RPLP1: variants seen among roughly 807,000 people sequenced by gnomAD.
The protein encoded by RPLP1 is ribosomal protein lateral stalk subunit P1, also known as large ribosomal subunit protein P1.
Under a neutral mutation model 11.6 loss-of-function variants are expected in RPLP1, and 4 were observed. That is an observed-to-expected ratio of 0.34 (90% CI 0.17 to 0.79). RPLP1 has a LOEUF of 0.79. Ranked by LOEUF, RPLP1 falls within the 30% of genes least tolerant of loss-of-function variation. The pLI is 0.55. For missense variants in RPLP1, 133 were observed against 142.8 expected, an observed-to-expected ratio of 0.93 and a Z score of 0.35; for synonymous variants, 54 against 52.2, an observed-to-expected ratio of 1.03 and a Z score of -0.15.
In RPLP1 at chr15:69,455,787, T is replaced by G; in HGVS notation, c.*280T>G. The G allele has an allele frequency of 4.8e-6, 2 of 416,672 alleles. No homozygotes were observed. Among genetic ancestry groups the G allele is most frequent in the Non-Finnish European group, 8.6e-6 (2 of 231,714 alleles). The allele number at this position is 416,672 out of a possible 1,614,324, so 25.8% of individuals were successfully genotyped here. A position where few individuals can be genotyped will look rare whatever the true frequency, so the allele number is the denominator to read the frequency against. ...AGATGCTTTGTCCAGGTTACCTGTG[T>G]AAACTTGATGATTATAAGGTGTGTC... On this transcript the variant is annotated 3_prime_UTR_variant, in exon 4 of 4. Coordinates refer to ENST00000260379, the MANE Select transcript of RPLP1 (RefSeq NM_001003.3).
At chr15:69,453,378 C>T in intron 1 of RPLP1, 1 of 582,468 alleles carries the variant, frequency 1.7e-6, no homozygotes, top group Non-Finnish European at 3.0e-6. Context: ...CTTGAATTCC[C>T]CCGGTCGTGG....
chr15:69,453,316 G>A, intron 1 of RPLP1: 1 of 575,208 alleles, frequency 1.7e-6, no homozygotes, highest in Non-Finnish European at 3.1e-6. Flanking sequence ...ACCCTGACCC[G>A]TGCCTCGTCT....
At position 69,453,023 on chromosome 15, in the gene RPLP1, G is replaced by A. The variant is rs1892374160; in HGVS notation, c.72+3G>A. 3 of 1,560,242 alleles carry A rather than the reference G, an allele frequency of 1.9e-6. No individual in the cohort carries two copies. The highest frequency in any genetic ancestry group is 1.7e-6 in the Non-Finnish European group (2 of 1,154,598). On this transcript the variant is annotated splice_donor_region_variant and intron_variant, in intron 1 of 3. Coordinates refer to ENST00000260379, the MANE Select transcript of RPLP1 (RefSeq NM_001003.3). Reference sequence around the variant, plus strand: ...ACGACGATGAGGTGACAGTCACGGTGAGTGCGGGCGCGGGCCGGCGGCCGG... The same window carrying A: ...ACGACGATGAGGTGACAGTCACGGTAAGTGCGGGCGCGGGCCGGCGGCCGG...
At position 69,452,981 on chromosome 15, in the gene RPLP1, C is replaced by T. The variant is rs923171422; in HGVS notation, c.33C>T (p.Tyr11=). ...CTGTCTCCGAGCTCGCCTGCATCTA[C>T]TCGGCCCTCATTCTGCACGACGATG... MASVSELACI[Y]SALILHDDEV... is the part of the protein sequence containing the mutation. Residue 11 remains tyrosine, a synonymous_variant, in exon 1 of 4, where the codon TAC becomes TAT. Transcript: ENST00000260379. 1.3e-6 allele frequency: 2 copies of T among 1,579,132 alleles called. No homozygotes were observed. The highest frequency in any genetic ancestry group is 1.8e-5 in the Admixed American group (1 of 55,738).
At chr15:69,454,097 C>T in intron 2 of RPLP1, 2 of 218,526 alleles carry the variant, frequency 9.2e-6, no homozygotes. Context: ...GGTGCGATCT[C>T]AGCTCACTGC....
chr15:69,453,110 G>C (rs1892376106), intron 1 of RPLP1, 90 bp downstream of exon 1: 1 of 1,218,196 alleles, frequency 8.2e-7, no homozygotes, highest in African/African-American at 1.5e-5. Flanking sequence ...CCGTTCGACT[G>C]AGCACTTCCG....
chr15:69,453,274 C>G (rs565291728), intron 1 of RPLP1: 4 of 580,946 alleles, frequency 6.9e-6, no homozygotes, highest in Non-Finnish European at 1.2e-5. Flanking sequence ...CAAGAGCCTT[C>G]GTGTAGAAAA....
chr15:69,453,325 C>G, intron 1 of RPLP1: 1 of 574,652 alleles, frequency 1.7e-6, no homozygotes, highest in Non-Finnish European at 3.1e-6. Flanking sequence ...CGTGCCTCGT[C>G]TCTCTCAGGG....
chr15:69,455,518 T>A lies in RPLP1; in HGVS notation c.*11T>A. 1 of 1,584,908 alleles carries A rather than the reference T, an allele frequency of 6.3e-7. No homozygotes were observed. Among genetic ancestry groups the A allele is most frequent in the Non-Finnish European group, 8.6e-7 (1 of 1,165,626 alleles). ...GGTCTTTTTGACTAAACCTCTTTTA[T>A]AACATGTTCAATAAAAAGCTGAACT... On this transcript the variant is annotated 3_prime_UTR_variant, in exon 4 of 4. Transcript: ENST00000260379.
chr15:69,453,046 C>A (rs1446975449), intron 1 of RPLP1, 26 bp downstream of exon 1: 1 of 1,546,940 alleles, frequency 6.5e-7, no homozygotes, highest in Admixed American at 2.0e-5. Flanking sequence ...GGCCGGCGGC[C>A]GGGCTGCCTG....
chr15:69,453,694 G>A lies in RPLP1; in HGVS notation c.120G>A (p.Glu40=), dbSNP rs573336811. The A allele has an allele frequency of 3.0e-5, 49 of 1,614,172 alleles. 1 individual carries two copies. In the South Asian group the frequency reaches 5.3e-4, roughly 17 times the overall value. ...TTAAAGCAGCCGGTGTAAATGTTGA[G>A]CCTTTTTGGCCTGGCTTGTTTGCAA... ...ALIKAAGVNV[E]PFWPGLFAKA... Residue 40 remains glutamate, a synonymous_variant, in exon 2 of 4, where the codon GAG becomes GAA. Transcript: ENST00000260379.
Position 69,453,128 on chromosome 15 carries a change from CCAGGCCGCGAACA to C in RPLP1, c.72+117_72+129del, listed in dbSNP as rs1208913345. 1.9e-5 allele frequency: 20 copies of C among 1,067,648 alleles called. 1 individual carries two copies. The South Asian group carries it at 2.3e-4, about 13-fold the overall frequency. The allele number at this position is 1,067,648 out of a possible 1,614,324, so 66.1% of individuals were successfully genotyped here. On this transcript the variant is annotated intron_variant, in intron 1 of 3. Coordinates refer to ENST00000260379, the MANE Select transcript of RPLP1 (RefSeq NM_001003.3). ...TTCGACTGAGCACTTCCGGCCGGGG[CCAGGCCGCGAACA>C]CAGGCCGCATAGGGCGGGCGCTCCT... is the stretch of plus-strand genomic sequence containing the variant.
At chr15:69,453,271 C>T (rs1892379615) in intron 1 of RPLP1, 6 of 582,008 alleles carry the variant, frequency 1.0e-5, no homozygotes, top group Non-Finnish European at 1.8e-5. Context: ...CTCCAAGAGC[C>T]TTCGTGTAGA....
At chr15:69,454,098 A>T (rs1430470233) in intron 2 of RPLP1, 1 of 217,920 alleles carries the variant, frequency 4.6e-6, no homozygotes, top group East Asian at 1.5e-4. Flanking sequence ...GTGCGATCTC[A>T]GCTCACTGCA....
intron 2 of RPLP1, chr15:69,454,331 C>G (rs557858358): frequency 5.7e-4 from 87 of 152,480 alleles, no homozygotes; most frequent in Admixed American, 2.4e-3. Context: ...GCTCCCGGCC[C>G]GCAAGCAAAT....
At chr15:69,453,263 C>T (rs1405944825) in intron 1 of RPLP1, 7 of 584,040 alleles carry the variant, frequency 1.2e-5, no homozygotes, top group East Asian at 2.9e-5. Context: ...CGCTCCGGCT[C>T]CAAGAGCCTT....
At chr15:69,455,094 C>T in intron 2 of RPLP1, 76 bp from the exon 3 acceptor site, 1 of 1,497,940 alleles carries the variant, frequency 6.7e-7, no homozygotes, top group Non-Finnish European at 8.9e-7. Context: ...ATGGGGGATA[C>T]TTTTCGTTTT....
In RPLP1 at chr15:69,455,510, C is replaced by G; in HGVS notation, c.*3C>G. 1 of 1,595,636 alleles carries G rather than the reference C, an allele frequency of 6.3e-7. No homozygotes were observed. The stretch of plus-strand genomic sequence containing the variant: ...TGGGCTTTGGTCTTTTTGACTAAAC[C>G]TCTTTTATAACATGTTCAATAAAAA... On this transcript the variant is annotated 3_prime_UTR_variant, in exon 4 of 4. Transcript: ENST00000260379.
Position 69,455,197 on chromosome 15 carries a change from C to T in RPLP1, c.175C>T (p.Leu59Phe). The T allele has an allele frequency of 6.2e-7, 1 of 1,605,014 alleles. No homozygotes were observed. Among genetic ancestry groups the T allele is most frequent in the Non-Finnish European group, 8.5e-7 (1 of 1,176,024 alleles). ...KALANVNIGS[L>F]ICNVGAGGPA... is the part of the protein sequence containing the mutation. ...CCTGGCCAACGTCAACATTGGGAGC[C>T]TCATCTGCAATGTAGGGGCCGGTGG... Residue 59 changes from leucine to phenylalanine, a missense_variant, in exon 3 of 4, where the codon CTC becomes TTC. Leu to Phe is a conservative substitution (Grantham distance 22). Transcript: ENST00000260379.
Sources: gnomAD v4.1 joint callset for allele counts on GRCh38, gnomAD v4.1.1 for gene constraint, MANE v1.5 for transcripts, NCBI Gene and HGNC (gene_info 2026-07-23, HGNC 2026-07-21) for gene names.